Variants in ARHGAP23 observed in about 807,000 individuals in gnomAD.
The protein encoded by ARHGAP23 is rho GTPase-activating protein 23.
In ARHGAP23, 34 loss-of-function variants were observed where a neutral mutation model predicts 136.3. The ratio of observed to expected loss-of-function variants is 0.25; its 90% CI spans 0.19 to 0.33. The LOEUF (loss-of-function observed/expected upper bound fraction) is 0.33. Ranked by LOEUF, ARHGAP23 falls within the 10% of genes least tolerant of loss-of-function variation. ARHGAP23 has a pLI of 1.00. For missense variants in ARHGAP23, 1,808 were observed against 2,139.0 expected, an observed-to-expected ratio of 0.85 and a Z score of 3.05; for synonymous variants, 832 against 920.5, an observed-to-expected ratio of 0.90 and a Z score of 1.74.
At position 38,489,978 on chromosome 17, in the gene ARHGAP23, C is replaced by T. The variant is rs534478411; in HGVS notation, c.2987-124C>T. On this transcript the variant is annotated intron_variant, in intron 17 of 23. Transcript: ENST00000622683. The stretch of plus-strand genomic sequence containing the variant: ...TGTGTTCACATACACAAGAGGCTGT[C>T]GCCCACGCTGGAGCCCCCGAACTGG... The T allele has an allele frequency of 3.5e-5, 29 of 833,322 alleles. 1 individual carries two copies. In the East Asian group the frequency reaches 3.7e-4, roughly 11 times the overall value. The allele number at this position is 833,322 out of a possible 1,614,324, so 51.6% of individuals were successfully genotyped here.
chr17:38,447,555 T>C (rs1423376272), intron 1 of ARHGAP23, among the ~76,000 whole-genome samples: 1 of 150,866 alleles, frequency 6.6e-6, no homozygotes, highest in Non-Finnish European at 1.5e-5. Flanking sequence ...CTTAGGGAGC[T>C]CTCAGTCTAA....
chr17:38,479,745 C>T lies in ARHGAP23; in HGVS notation c.2499-8C>T. ...AAGACCTCTCCTCTCCCCCTTTTTC[C>T]TACACAGCCATAGCTCTGGGCCCAA... On this transcript the variant is annotated splice_polypyrimidine_tract_variant and splice_region_variant and intron_variant, in intron 13 of 23. Coordinates refer to ENST00000622683, the MANE Select transcript of ARHGAP23 (RefSeq NM_001199417.2). 2.7e-6 allele frequency: 4 copies of T among 1,467,720 alleles called. No homozygotes were observed. The highest frequency in any genetic ancestry group is 3.6e-6 in the Non-Finnish European group (4 of 1,108,522). The allele number at this position is 1,467,720 out of a possible 1,614,324, so 90.9% of individuals were successfully genotyped here.
intron 1 of ARHGAP23, among the ~76,000 whole-genome samples, chr17:38,430,539 C>T (rs574183115): frequency 6.6e-6 from 1 of 152,246 alleles, no homozygotes; most frequent in African/African-American, 2.4e-5. Context: ...ATTGCTTCAT[C>T]CTACATTGCA....
intron 1 of ARHGAP23, among the ~76,000 whole-genome samples, chr17:38,422,967 A>G (rs1339289050): frequency 6.6e-6 from 1 of 152,054 alleles, no homozygotes; most frequent in Non-Finnish European, 1.5e-5. Context: ...GACGTTTGCT[A>G]GTAGAGGGCT....
Position 38,458,152 on chromosome 17 carries a change from G to T in ARHGAP23, c.114G>T (p.Trp38Cys). 2 of 1,536,136 alleles carry T rather than the reference G, an allele frequency of 1.3e-6. No individual in the cohort carries two copies. The highest frequency in any genetic ancestry group is 1.2e-5 in the South Asian group (1 of 84,064). ...DGCSPRRPFPWQGPRTLLLYK... is the reference protein window; with the variant it reads ...DGCSPRRPFPCQGPRTLLLYK... Reference sequence around the variant, plus strand: ...GCTCTCCTAGGCGCCCCTTCCCCTGGCAGGGGCCGAGGACGCTGCTGCTGT... The same window carrying T: ...GCTCTCCTAGGCGCCCCTTCCCCTGTCAGGGGCCGAGGACGCTGCTGCTGT... The change falls in exon 2 of 24, where the codon TGG becomes TGT. Residue 38 changes from tryptophan to cysteine, a missense_variant. Physicochemically the swap from Trp to Cys is radical, Grantham distance 215 (BLOSUM62 -2). Transcript: ENST00000622683.
chr17:38,501,876 T>A (rs1367357677), intron 23 of ARHGAP23, among the ~76,000 whole-genome samples: 1 of 150,940 alleles, frequency 6.6e-6, no homozygotes, highest in Non-Finnish European at 1.5e-5. Context: ...TTAATAATTT[T>A]AAAATATTCT....
intron 2 of ARHGAP23, 114 bp from the exon 3 acceptor site, chr17:38,460,791 G>C: frequency 6.5e-7 from 1 of 1,533,116 alleles, no homozygotes. Context: ...TGGGCTACTT[G>C]GGAGGAGATA....
At chr17:38,475,839 C>T (rs1326214479) in intron 11 of ARHGAP23, among the ~76,000 whole-genome samples, 2 of 152,096 alleles carry the variant, frequency 1.3e-5, no homozygotes, top group Non-Finnish European at 2.9e-5. Context: ...TGATCAGAAG[C>T]GGGAGCTGCA....
At chr17:38,504,924 G>C (rs906851853) in intron 23 of ARHGAP23, among the ~76,000 whole-genome samples, 2 of 141,970 alleles carry the variant, frequency 1.4e-5, no homozygotes, top group Non-Finnish European at 3.0e-5. Flanking sequence ...CAGTCTCTCA[G>C]CTCCGTGGTG....
At chr17:38,428,430 G>T, upstream of ARHGAP23, 1 of 1,154,320 alleles carries the variant, frequency 8.7e-7, no homozygotes, top group Non-Finnish European at 1.1e-6. Context: ...GCCCCTCCCG[G>T]GTCCCTGCCG....
At chr17:38,467,373 TC>T in intron 7 of ARHGAP23, 42 bp downstream of exon 7, 1 of 1,448,254 alleles carries the variant, frequency 6.9e-7, no homozygotes, top group Non-Finnish European at 9.1e-7. Flanking sequence ...GACTTAGCTG[TC>T]GGCTGTCTGT....
chr17:38,480,279 A>G (rs2144711930), intron 14 of ARHGAP23, among the ~76,000 whole-genome samples: 1 of 152,278 alleles, frequency 6.6e-6, no homozygotes, highest in South Asian at 2.1e-4. Context: ...GGCAGGGCAG[A>G]TCACCTGAGG....
chr17:38,504,621 T>C (rs2040589207), intron 23 of ARHGAP23, among the ~76,000 whole-genome samples: 1 of 152,226 alleles, frequency 6.6e-6, no homozygotes, highest in South Asian at 2.1e-4. Context: ...AACAGGTGTA[T>C]GACAGGACCA....
At chr17:38,478,232 C>T (rs1011246192) in intron 12 of ARHGAP23, among the ~76,000 whole-genome samples, 1 of 152,086 alleles carries the variant, frequency 6.6e-6, no homozygotes. Flanking sequence ...TCTCAGCAGG[C>T]GAGGAAGGCA....
chr17:38,438,668 C>A (rs1453891476), intron 1 of ARHGAP23, among the ~76,000 whole-genome samples: 2 of 151,930 alleles, frequency 1.3e-5, no homozygotes, highest in Non-Finnish European at 2.9e-5. Flanking sequence ...ACTGGAGGTA[C>A]AGTTGGAAGG....
chr17:38,434,665 A>G (rs892322077), intron 1 of ARHGAP23, among the ~76,000 whole-genome samples: 1 of 152,218 alleles, frequency 6.6e-6, no homozygotes, highest in Non-Finnish European at 1.5e-5. Context: ...CTTAGCCCCA[A>G]GTGGGGGTGC....
chr17:38,456,661 TC>T (rs2039332821), intron 1 of ARHGAP23, among the ~76,000 whole-genome samples: 1 of 152,172 alleles, frequency 6.6e-6, no homozygotes, highest in African/African-American at 2.4e-5. Flanking sequence ...CCAGGCAGCT[TC>T]TCCGTGGCTC....
Position 38,469,841 on chromosome 17 carries a change from T to A in ARHGAP23, c.1917-6T>A. The A allele has an allele frequency of 1.3e-6, 2 of 1,551,618 alleles. No homozygotes were observed. The highest frequency in any genetic ancestry group is 1.7e-6 in the Non-Finnish European group (2 of 1,146,952). Reference sequence around the variant, plus strand: ...ACATCCCTCACCCTCGACCCTCGCTTTCCAGGCGCCTGCCAAACCGCATAC... The same window carrying A: ...ACATCCCTCACCCTCGACCCTCGCTATCCAGGCGCCTGCCAAACCGCATAC... On this transcript the variant is annotated splice_polypyrimidine_tract_variant and splice_region_variant and intron_variant, in intron 9 of 23. Transcript: ENST00000622683.
In ARHGAP23 at chr17:38,466,916, G is replaced by A. The variant is rs12326006; in HGVS notation, c.1233G>A (p.Leu411=). 9.0e-3 allele frequency: 14,004 copies of A among 1,550,460 alleles called. 1,173 individuals carry two copies. The African/African-American group carries it at 0.17, about 19-fold the overall frequency. Residue 411 remains leucine (L), a synonymous_variant, in exon 7 of 24, where the codon CTG becomes CTA. Coordinates refer to ENST00000622683, the MANE Select transcript of ARHGAP23 (RefSeq NM_001199417.2). ...CACCCCCGTCTGGCCTGCAGGGCCT[G>A]GATGACCTCGGGTACATCGGCTACC... ...QAPPPSGLQG[L]DDLGYIGYRS...
Sources: gnomAD v4.1 joint callset for allele counts (sites outside exome capture counted in the v4.1 genomes callset) on GRCh38, gnomAD v4.1.1 for gene constraint, MANE v1.5 for transcripts, NCBI Gene and HGNC (gene_info 2026-07-23, HGNC 2026-07-21) for gene names.